The following ULK4 variants were observed in gnomAD, a reference collection of about 807,000 sequenced individuals.
ULK4 encodes unc-51 like kinase 4.
Under a neutral mutation model 160.6 loss-of-function variants are expected in ULK4, and 133 were observed. The observed-to-expected ratio is 0.83, with a 90% CI of 0.72 to 0.96. The LOEUF is 0.96. Ranked by LOEUF, ULK4 falls within the 40% of genes least tolerant of loss-of-function variation. ULK4 has a pLI of 0.00. For missense variants in ULK4, 1,580 were observed against 1,499.5 expected (o/e 1.05, Z -0.89); for synonymous variants, 534 against 539.8 (o/e 0.99, Z 0.15).
intron 30 of ULK4, among the ~76,000 whole-genome samples, chr3:41,652,312 G>T (rs2034774868): frequency 6.6e-6 from 1 of 151,934 alleles, no homozygotes; most frequent in Admixed American, 6.6e-5. Flanking sequence ...AAAAAAAATA[G>T]AATACCTGGG....
intron 2 of ULK4, among the ~76,000 whole-genome samples, chr3:41,940,109 T>G (rs887894437): frequency 6.6e-6 from 1 of 151,870 alleles, no homozygotes; most frequent in African/African-American, 2.4e-5. Context: ...TTGAGCTCCT[T>G]CCTCAGGAAA....
chr3:41,667,761 G>A (rs1575548790), intron 29 of ULK4, among the ~76,000 whole-genome samples: 1 of 152,082 alleles, frequency 6.6e-6, no homozygotes, highest in African/African-American at 2.4e-5. Context: ...TCTTTGCTAG[G>A]GGCCAAAGCA....
At chr3:41,714,878 A>T (rs1438036722) in intron 25 of ULK4, among the ~76,000 whole-genome samples, 2 of 149,344 alleles carry the variant, frequency 1.3e-5, no homozygotes, top group Non-Finnish European at 2.9e-5. Context: ...ACTGCACATG[A>T]TTGGACAATA....
At chr3:41,553,495 A>G (rs2087159257) in intron 32 of ULK4, among the ~76,000 whole-genome samples, 1 of 152,160 alleles carries the variant, frequency 6.6e-6, no homozygotes, top group Non-Finnish European at 1.5e-5. Flanking sequence ...CAAAATGCTT[A>G]ACATCACTAA....
chr3:41,411,786 A>C (rs925443013), intron 34 of ULK4, among the ~76,000 whole-genome samples: 1 of 152,142 alleles, frequency 6.6e-6, no homozygotes, highest in Admixed American at 6.5e-5. Flanking sequence ...AAAAATTTTA[A>C]ATCTACCTAT....
intron 29 of ULK4, among the ~76,000 whole-genome samples, chr3:41,670,106 G>A (rs1287443255): frequency 6.6e-6 from 1 of 152,186 alleles, no homozygotes; most frequent in Non-Finnish European, 1.5e-5. Flanking sequence ...ATGCAAATCT[G>A]ACAGAATGCA....
At chr3:41,293,097 G>C (rs1489290722) in intron 35 of ULK4, among the ~76,000 whole-genome samples, 1 of 152,146 alleles carries the variant, frequency 6.6e-6, no homozygotes, top group Non-Finnish European at 1.5e-5. Flanking sequence ...ACTCCAGACA[G>C]AGAGAGGCTC....
Position 41,473,336 on chromosome 3 carries a change from G to A in ULK4, c.3227-10083C>T, listed in dbSNP as rs183841260. On this transcript the variant is annotated intron_variant, in intron 32 of 36. Transcript: ENST00000301831. Reference sequence around the variant, plus strand: ...CAATATGATCTTGTATGTGGAAAACGCTAAAGATTCCACCATATAAAACTG... The same window carrying A: ...CAATATGATCTTGTATGTGGAAAACACTAAAGATTCCACCATATAAAACTG... Among the ~76,000 whole-genome samples the A allele has an allele frequency of 1.2e-4, 19 of 152,080 alleles. No homozygotes were observed. The East Asian group carries it at 1.7e-3, about 14-fold the overall frequency.
chr3:41,398,236 T>C lies in ULK4; in HGVS notation c.3521A>G (p.Asp1174Gly), dbSNP rs1435911948. The C allele has an allele frequency of 6.2e-7, 1 of 1,611,316 alleles. No individual in the cohort carries two copies. Among genetic ancestry groups the C allele is most frequent in the South Asian group, 1.1e-5 (1 of 90,404 alleles). The part of the protein sequence containing the change: ...LLPNEDPEIF[D>G]VSSKCLSILV... ...TATAGACAGGCACTTGGATGAAACA[T>C]CAAAAATCTCAGGATCTTCATTAGG... The change falls in exon 35 of 37, where the codon GAT (aspartate) becomes GGT (glycine). Residue 1174 changes from aspartate (D) to glycine (G), a missense_variant. Physicochemically the swap from Asp to Gly is moderately conservative, Grantham distance 94. Coordinates refer to ENST00000301831, the MANE Select transcript of ULK4 (RefSeq NM_017886.4).
intron 33 of ULK4, among the ~76,000 whole-genome samples, chr3:41,458,732 A>G (rs115213413): frequency 7.2e-4 from 110 of 152,228 alleles, no homozygotes; most frequent in African/African-American, 2.4e-3. Flanking sequence ...AGAACAAGAG[A>G]CAGTTACTTT....
At chr3:41,938,069 C>A in intron 3 of ULK4, 29 bp downstream of exon 3, 2 of 1,529,942 alleles carry the variant, frequency 1.3e-6, no homozygotes, top group South Asian at 1.2e-5. Context: ...ATACTATATT[C>A]ATAGCACTTT....
At chr3:41,900,666 A>C in intron 13 of ULK4, 59 bp downstream of exon 13, 1 of 1,273,354 alleles carries the variant, frequency 7.9e-7, no homozygotes, top group Non-Finnish European at 1.1e-6. Flanking sequence ...TGAAAATCTC[A>C]TGCAGATTTC....
intron 21 of ULK4, among the ~76,000 whole-genome samples, chr3:41,785,301 T>A (rs893868970): frequency 6.6e-6 from 1 of 152,166 alleles, no homozygotes; most frequent in Non-Finnish European, 1.5e-5. Context: ...AAAATACTCA[T>A]GAAAACAGCA....
At chr3:41,380,732 C>T (rs1462217752) in intron 35 of ULK4, among the ~76,000 whole-genome samples, 1 of 152,154 alleles carries the variant, frequency 6.6e-6, no homozygotes, top group Non-Finnish European at 1.5e-5. Context: ...GGGCTCTCAT[C>T]TCTATGAGGC....
chr3:41,715,322 AT>A (rs755121015), intron 24 of ULK4, 29 bp from the exon 25 acceptor site: 3 of 1,612,886 alleles, frequency 1.9e-6, no homozygotes, highest in South Asian at 2.2e-5. Context: ...TACAGATTAA[AT>A]TCTGGAAGCT....
rs116027626 is a variant in ULK4, at chr3:41,519,135, G to A, written c.3226+46890C>T. 4.8e-3 allele frequency among the ~76,000 whole-genome samples: 730 copies of A among 152,286 alleles called. 6 individuals carry two copies. The highest frequency in any genetic ancestry group is 8.2e-3 in the Non-Finnish European group (557 of 68,030). ...GACCATTCACTCACTATGTCCAGAT[G>A]TTGGCCTCTACAAAATTCAATCTTC... On this transcript the variant is annotated intron_variant, in intron 32 of 36. Coordinates refer to ENST00000301831, the MANE Select transcript of ULK4 (RefSeq NM_017886.4).
intron 21 of ULK4, among the ~76,000 whole-genome samples, chr3:41,785,514 G>A (rs867662362): frequency 6.6e-6 from 1 of 152,112 alleles, no homozygotes; most frequent in Non-Finnish European, 1.5e-5. Flanking sequence ...TAAAAGGAAG[G>A]GAATGGAACT....
intron 35 of ULK4, among the ~76,000 whole-genome samples, chr3:41,360,942 CAA>C (rs11342446): frequency 6.6e-6 from 1 of 151,394 alleles, no homozygotes; most frequent in Non-Finnish European, 1.5e-5. Context: ...AGTTGGAAAT[CAA>C]AAAAAAAGGA....
chr3:41,911,365 G>A lies in ULK4; in HGVS notation c.1037C>T (p.Pro346Leu). Residue 346 changes from proline to leucine, a missense_variant, in exon 11 of 37, where the codon CCT becomes CTT. Physicochemically the swap from Pro to Leu is moderately conservative, Grantham distance 98 (BLOSUM62 -3). Transcript: ENST00000301831. The part of the protein sequence containing the change: ...FRLENPTEFR[P>L]KSTLEGQLNE... ...CAATTGACCCTCAAGAGTACTCTTAGGCCGAAACTCAGTTGGATTTTCTGT... is the reference window on the plus strand; with the variant it reads ...CAATTGACCCTCAAGAGTACTCTTAAGCCGAAACTCAGTTGGATTTTCTGT... The A allele has an allele frequency of 1.9e-6, 3 of 1,614,084 alleles. No individual in the cohort carries two copies. The highest frequency in any genetic ancestry group is 1.7e-4 in the Middle Eastern group (1 of 6,060).
Sources: allele counts gnomAD v4.1 joint callset (sites outside exome capture counted in the v4.1 genomes callset), GRCh38; gene constraint gnomAD v4.1.1; transcripts MANE v1.5; gene names NCBI Gene and HGNC (gene_info 2026-07-23, HGNC 2026-07-21).